DOK6: variants seen among roughly 807,000 people sequenced by gnomAD.
DOK6 encodes the protein docking protein 6.
DOK6 carries 22 observed loss-of-function variants against 44.0 expected under a neutral mutation model. That is an observed-to-expected ratio of 0.50 (90% confidence interval 0.36 to 0.71). DOK6 has a LOEUF of 0.71. Among genes scored for constraint, DOK6 ranks in the 30% least tolerant of loss-of-function variants. The pLI is 0.00. For missense variants in DOK6, 340 were observed against 416.4 expected, an observed-to-expected ratio of 0.82 and a Z score of 1.60; for synonymous variants, 166 against 145.5, an observed-to-expected ratio of 1.14 and a Z score of -1.01.
chr18:69,829,212 T>C (rs1025449402), intron 7 of DOK6, among the ~76,000 whole-genome samples: 4 of 149,532 alleles, frequency 2.7e-5, no homozygotes, highest in Admixed American at 1.4e-4. Flanking sequence ...ATTTTAATAA[T>C]TCTAAATATT....
Position 69,401,272 on chromosome 18 carries a change from A to G in DOK6, c.28A>G (p.Lys10Glu). MASNFNDIV[K>E]QGYVKIRSRK... Reference sequence around the variant, plus strand: ...GGCCTCCAACTTTAACGACATAGTCAAGCAGGGCTACGTGAAAATCCGCAG... The same window carrying G: ...GGCCTCCAACTTTAACGACATAGTCGAGCAGGGCTACGTGAAAATCCGCAG... The change falls in exon 1 of 8, where the codon AAG becomes GAG. Residue 10 changes from lysine (K) to glutamate (E), a missense_variant. Lys to Glu is a moderately conservative substitution (Grantham distance 56, BLOSUM62 1). This residue lies in a region of DOK6 where 206 missense variants were observed against 258.6 expected (regional missense o/e 0.80). Coordinates refer to ENST00000382713, the MANE Select transcript of DOK6 (RefSeq NM_152721.6). 5 of 1,585,276 alleles carry G rather than the reference A, an allele frequency of 3.2e-6. No individual in the cohort carries two copies. Among genetic ancestry groups the G allele is most frequent in the Non-Finnish European group, 4.3e-6 (5 of 1,166,430 alleles).
Position 69,674,951 on chromosome 18 carries a change from CCTCT to C in DOK6, c.290-2772_290-2769del, listed in dbSNP as rs529321983. Reference sequence around the variant, plus strand: ...GTCCTGAATTGTAAGAATCTCTCTTCCTCTCTCTCTCTCTTTGAAATAGTTTACA... The same window carrying C: ...GTCCTGAATTGTAAGAATCTCTCTTCCTCTCTCTCTTTGAAATAGTTTACA... On this transcript the variant is annotated intron_variant, in intron 3 of 7. Coordinates refer to ENST00000382713, the MANE Select transcript of DOK6 (RefSeq NM_152721.6). Among the ~76,000 whole-genome samples the C allele has an allele frequency of 8.2e-3, 1,238 of 151,762 alleles. 7 individuals carry two copies. The highest frequency in any genetic ancestry group is 0.012 in the Non-Finnish European group (819 of 67,878).
chr18:69,434,948 G>GA lies in DOK6; in HGVS notation c.66+33639dup, dbSNP rs756776237. Reference sequence around the variant, plus strand: ...GAAAAAAGGGAGGGAGGGAGGGAGGGAGGGAGGGAAGGAAGGAAGGAAGGA... The same window carrying GA: ...GAAAAAAGGGAGGGAGGGAGGGAGGGAAGGGAGGGAAGGAAGGAAGGAAGGA... On this transcript the variant is annotated intron_variant, in intron 1 of 7. Transcript: ENST00000382713. Among the ~76,000 whole-genome samples the GA allele has an allele frequency of 3.6e-4, 46 of 127,134 alleles. 1 individual carries two copies. Among genetic ancestry groups the GA allele is most frequent in the African/African-American group, 5.3e-4 (19 of 35,804 alleles). 83.4% of individuals were successfully genotyped at this position (127,134 alleles called of 152,430 possible).
chr18:69,428,461 T>C (rs1978705535), intron 1 of DOK6, among the ~76,000 whole-genome samples: 1 of 152,010 alleles, frequency 6.6e-6, no homozygotes, highest in African/African-American at 2.4e-5. Flanking sequence ...AGATTTCTTC[T>C]TTATTATCTG....
At chr18:69,414,358 TAAAC>T in intron 1 of DOK6, among the ~76,000 whole-genome samples, 1 of 152,012 alleles carries the variant, frequency 6.6e-6, no homozygotes, top group Non-Finnish European at 1.5e-5. Flanking sequence ...GGTGAATGAT[TAAAC>T]AAGCTGTAGT....
At chr18:69,675,770 A>C (rs1476153969) in intron 3 of DOK6, among the ~76,000 whole-genome samples, 1 of 152,150 alleles carries the variant, frequency 6.6e-6, no homozygotes, top group African/African-American at 2.4e-5. Context: ...AACCTATAAT[A>C]TTTTGGTTGA....
chr18:69,839,537 T>C (rs1471663258), intron 7 of DOK6, among the ~76,000 whole-genome samples: 1 of 152,318 alleles, frequency 6.6e-6, no homozygotes, highest in Non-Finnish European at 1.5e-5. Context: ...TTTCCTTCAC[T>C]ATATCATCAG....
chr18:69,690,190 T>C (rs1986234468), intron 4 of DOK6, among the ~76,000 whole-genome samples: 1 of 143,574 alleles, frequency 7.0e-6, no homozygotes, highest in Non-Finnish European at 1.5e-5. Flanking sequence ...TACTGTGGAA[T>C]TTTTTTTTTT....
intron 3 of DOK6, among the ~76,000 whole-genome samples, chr18:69,670,920 C>A (rs1432423451): frequency 1.3e-5 from 2 of 152,092 alleles, no homozygotes; most frequent in Non-Finnish European, 1.5e-5. Flanking sequence ...GGAAAGGATC[C>A]TTTTTAAGCT....
Position 69,401,128 on chromosome 18 carries a change from G to C in DOK6, c.-117G>C. 9.5e-7 allele frequency: 1 copy of C among 1,056,154 alleles called. No homozygotes were observed. The highest frequency in any genetic ancestry group is 1.2e-6 in the Non-Finnish European group (1 of 804,458). The allele number at this position is 1,056,154 out of a possible 1,614,324, so 65.4% of individuals were successfully genotyped here. A position where few individuals can be genotyped will look rare whatever the true frequency, so the allele number is the denominator to read the frequency against. The stretch of plus-strand genomic sequence containing the variant: ...GGGAGCTCGGGGAAGAGCGGGCGGC[G>C]GCGCTGCTGCTGGCGGCGGCCGGCT... On this transcript the variant is annotated 5_prime_UTR_variant, in exon 1 of 8. Transcript: ENST00000382713.
intron 3 of DOK6, among the ~76,000 whole-genome samples, chr18:69,619,563 C>A (rs1215929448): frequency 6.6e-6 from 1 of 152,300 alleles, no homozygotes; most frequent in East Asian, 1.9e-4. Flanking sequence ...TGACCAAAAT[C>A]GTGAGTAAAC....
chr18:69,591,569 G>A (rs886116272), intron 2 of DOK6, among the ~76,000 whole-genome samples: 1 of 151,164 alleles, frequency 6.6e-6, no homozygotes, highest in Non-Finnish European at 1.5e-5. Flanking sequence ...CTCAAAACTG[G>A]ACTTTTCTGA....
intron 4 of DOK6, among the ~76,000 whole-genome samples, chr18:69,680,606 GACA>G (rs1428037997): frequency 6.6e-6 from 1 of 152,136 alleles, no homozygotes; most frequent in Non-Finnish European, 1.5e-5. Context: ...TATACACAGA[GACA>G]ACTATACACA....
At chr18:69,471,902 A>G (rs1980124216) in intron 1 of DOK6, among the ~76,000 whole-genome samples, 1 of 152,090 alleles carries the variant, frequency 6.6e-6, no homozygotes, top group Admixed American at 6.5e-5. Flanking sequence ...TTTTATTTCA[A>G]GTTTCAAGCA....
chr18:69,464,410 G>A lies in DOK6; in HGVS notation c.66+63100G>A, dbSNP rs543163258. Among the ~76,000 whole-genome samples, 10 of 152,300 alleles carry A rather than the reference G, an allele frequency of 6.6e-5. No individual in the cohort carries two copies. In the East Asian group the frequency reaches 1.5e-3, roughly 23 times the overall value. ...TCTTCTCTAGGCAGTGGCCTATTCC[G>A]AATGTTCTTTGTATCTTCAGCTTCA... is the stretch of plus-strand genomic sequence containing the variant. On this transcript the variant is annotated intron_variant, in intron 1 of 7. Coordinates refer to ENST00000382713, the MANE Select transcript of DOK6 (RefSeq NM_152721.6).
intron 2 of DOK6, among the ~76,000 whole-genome samples, chr18:69,595,816 T>C (rs1360959671): frequency 5.9e-5 from 9 of 152,296 alleles, no homozygotes; most frequent in African/African-American, 2.2e-4. Flanking sequence ...GTTTTTTCAC[T>C]ATAAGCATTT....
chr18:69,693,491 A>T (rs976961385), intron 4 of DOK6, among the ~76,000 whole-genome samples: 5 of 152,142 alleles, frequency 3.3e-5, no homozygotes, highest in South Asian at 2.1e-4. Flanking sequence ...TTATATATAT[A>T]TTTCTACTTA....
At chr18:69,628,741 G>A (rs1348748206) in intron 3 of DOK6, among the ~76,000 whole-genome samples, 1 of 152,148 alleles carries the variant, frequency 6.6e-6, no homozygotes, top group Non-Finnish European at 1.5e-5. Context: ...CTAAACTGGA[G>A]TTCTGAAGAG....
chr18:69,680,073 GT>G (rs1986011449), intron 4 of DOK6, among the ~76,000 whole-genome samples: 1 of 152,116 alleles, frequency 6.6e-6, no homozygotes, highest in Admixed American at 6.6e-5. Context: ...GATTAATTAT[GT>G]TTAATAATCC....
Sources: gnomAD v4.1 joint callset for allele counts (sites outside exome capture counted in the v4.1 genomes callset) on GRCh38, gnomAD v4.1.1 for gene constraint, gnomAD v4.1.1 regional missense constraint, MANE v1.5 for transcripts, NCBI Gene and HGNC (gene_info 2026-07-23, HGNC 2026-07-21) for gene names.